The following USH2A variants were observed in gnomAD, a reference collection of about 807,000 sequenced individuals.
The protein encoded by USH2A is Usher syndrome 2A (autosomal recessive, mild).
In USH2A, 443 loss-of-function variants were observed where a neutral mutation model predicts 538.9. That is an observed-to-expected ratio of 0.82 (90% CI 0.76 to 0.89). The LOEUF is 0.89. USH2A is among the 40% of genes least tolerant of loss of function. The pLI is 0.00. For missense variants in USH2A, 6,633 were observed against 6,324.8 expected, an observed-to-expected ratio of 1.05 and a Z score of -1.65; for synonymous variants, 2,413 against 2,273.5, an observed-to-expected ratio of 1.06 and a Z score of -1.75.
Position 215,758,674 on chromosome 1 carries a change from T to A in USH2A, c.11310A>T (p.Ser3770=). ...SDDYIVQTPM[S]TPEEIYPPYN... ...ATGGAGGATAGATTTCTTCTGGTGTTGACATAGGTGTTTGAACAATGTAAT... is the reference window on the plus strand; with the variant it reads ...ATGGAGGATAGATTTCTTCTGGTGTAGACATAGGTGTTTGAACAATGTAAT... The change falls in exon 58 of 72, where the codon TCA becomes TCT. Residue 3770 remains serine (S), a synonymous_variant. Transcript: ENST00000307340. The A allele has an allele frequency of 6.2e-7, 1 of 1,613,964 alleles. No homozygotes were observed. Among genetic ancestry groups the A allele is most frequent in the African/African-American group, 1.3e-5 (1 of 75,042 alleles).
At chr1:216,174,594 C>T in intron 21 of USH2A, 1 of 980,950 alleles carries the variant, frequency 1.0e-6, no homozygotes, top group Non-Finnish European at 1.2e-6. Flanking sequence ...TTTACATTAA[C>T]ACTGAGTTTT....
intron 21 of USH2A, among the ~76,000 whole-genome samples, chr1:216,151,394 AATTTGC>A (rs2033828492): frequency 6.6e-6 from 1 of 152,018 alleles, no homozygotes; most frequent in Admixed American, 6.5e-5. Flanking sequence ...CCCAAAATTC[AATTTGC>A]AAATGGGACC....
intron 19 of USH2A, among the ~76,000 whole-genome samples, chr1:216,194,935 A>G (rs1290551322): frequency 2.6e-5 from 4 of 152,156 alleles, no homozygotes; most frequent in Non-Finnish European, 4.4e-5. Flanking sequence ...TTACAGCACT[A>G]GAGGTAAGCA....
intron 50 of USH2A, among the ~76,000 whole-genome samples, chr1:215,792,301 G>A (rs539685062): frequency 1.3e-5 from 2 of 152,248 alleles, no homozygotes; most frequent in East Asian, 3.9e-4. Flanking sequence ...TTCACAAAGA[G>A]CTTCATCTTT....
intron 35 of USH2A, among the ~76,000 whole-genome samples, chr1:215,984,712 G>A (rs1049729689): frequency 2.0e-5 from 3 of 152,196 alleles, no homozygotes; most frequent in Non-Finnish European, 1.5e-5. Flanking sequence ...TGTGTTTACT[G>A]TAAGAATTAA....
chr1:216,212,029 T>A (rs547411252), intron 15 of USH2A, among the ~76,000 whole-genome samples: 13 of 152,072 alleles, frequency 8.5e-5, no homozygotes, highest in Non-Finnish European at 1.8e-4. Flanking sequence ...GATTTCAGAG[T>A]TAGAGCAATC....
In USH2A at chr1:216,276,306, T is replaced by A. The variant is rs564267990; in HGVS notation, c.1971+12974A>T. Among the ~76,000 whole-genome samples the A allele has an allele frequency of 4.6e-5, 7 of 152,256 alleles. No individual in the cohort carries two copies. In the South Asian group the frequency reaches 1.4e-3, roughly 32 times the overall value. Reference sequence around the variant, plus strand: ...TTTCTGTCATTTCTGTCCTCGCACATTTTTAGCAATATGCCAATCTGTCTT... The same window carrying A: ...TTTCTGTCATTTCTGTCCTCGCACAATTTTAGCAATATGCCAATCTGTCTT... On this transcript the variant is annotated intron_variant, in intron 11 of 71. Transcript: ENST00000307340.
At chr1:216,217,152 C>CA in intron 15 of USH2A, among the ~76,000 whole-genome samples, 1 of 152,008 alleles carries the variant, frequency 6.6e-6, no homozygotes, top group Non-Finnish European at 1.5e-5. Context: ...GATTTCACTC[C>CA]AAAAAACTAT....
chr1:216,406,309 T>C (rs898122699), intron 3 of USH2A, among the ~76,000 whole-genome samples: 1 of 152,192 alleles, frequency 6.6e-6, no homozygotes, highest in Non-Finnish European at 1.5e-5. Context: ...GGGACTTCTG[T>C]ATTATTTCTC....
chr1:216,177,937 A>G (rs2034422347), intron 20 of USH2A, among the ~76,000 whole-genome samples: 1 of 152,162 alleles, frequency 6.6e-6, no homozygotes, highest in Non-Finnish European at 1.5e-5. Context: ...ACATCTGTGG[A>G]CTTTCAATTT....
intron 4 of USH2A, among the ~76,000 whole-genome samples, chr1:216,351,851 T>A (rs1422586213): frequency 4.7e-5 from 7 of 150,532 alleles, no homozygotes; most frequent in Non-Finnish European, 8.9e-5. Flanking sequence ...AAAAAAAAAA[T>A]GTTGAACATG....
chr1:215,842,779 C>T (rs748701439), intron 46 of USH2A, among the ~76,000 whole-genome samples: 5 of 151,602 alleles, frequency 3.3e-5, no homozygotes, highest in Admixed American at 3.3e-4. Context: ...ATGGACACAG[C>T]GAGGGGAACA....
At chr1:216,047,138 T>G (rs1436322606) in intron 31 of USH2A, among the ~76,000 whole-genome samples, 2 of 152,200 alleles carry the variant, frequency 1.3e-5, no homozygotes, top group African/African-American at 2.4e-5. Context: ...TAAACATTTT[T>G]TTTAAATTTT....
At chr1:215,977,701 C>T (rs567712497) in intron 35 of USH2A, among the ~76,000 whole-genome samples, 6 of 152,148 alleles carry the variant, frequency 3.9e-5, no homozygotes, top group South Asian at 4.2e-4. Context: ...TCAGTAGAGA[C>T]GGGATTTCAC....
intron 21 of USH2A, among the ~76,000 whole-genome samples, chr1:216,117,391 AAGT>A: frequency 6.6e-6 from 1 of 152,322 alleles, no homozygotes; most frequent in South Asian, 2.1e-4. Context: ...CTCTTACAGG[AAGT>A]AAATCTTTAT....
At chr1:215,675,659 A>G (rs1657999832) in intron 62 of USH2A, 43 bp from the exon 63 acceptor site, 3 of 1,613,552 alleles carry the variant, frequency 1.9e-6, no homozygotes, top group Admixed American at 1.7e-5. Context: ...GCAGCATACA[A>G]TTTCTTTGTG....
At chr1:215,862,930 A>G (rs1394020357) in intron 44 of USH2A, among the ~76,000 whole-genome samples, 1 of 152,156 alleles carries the variant, frequency 6.6e-6, no homozygotes, top group Non-Finnish European at 1.5e-5. Flanking sequence ...GCTGCATACA[A>G]TGTTGGCGGT....
At chr1:215,642,640 T>C (rs1438490329) in intron 67 of USH2A, among the ~76,000 whole-genome samples, 1 of 152,180 alleles carries the variant, frequency 6.6e-6, no homozygotes, top group Non-Finnish European at 1.5e-5. Context: ...TTTCACTACA[T>C]TTTACTACCG....
At chr1:215,685,617 C>T (rs1658400526) in intron 61 of USH2A, among the ~76,000 whole-genome samples, 2 of 152,046 alleles carry the variant, frequency 1.3e-5, no homozygotes, top group African/African-American at 2.4e-5. Context: ...CATGGCCTCC[C>T]AAAGTGCTGG....
Sources: gnomAD v4.1 joint callset for allele counts (sites outside exome capture counted in the v4.1 genomes callset) on GRCh38, gnomAD v4.1.1 for gene constraint, MANE v1.5 for transcripts, NCBI Gene and HGNC (gene_info 2026-07-23, HGNC 2026-07-21) for gene names.